AK8: variants seen among roughly 807,000 people sequenced by gnomAD.
AK8 encodes the protein ATP-AMP transphosphorylase 8.
Under a neutral mutation model 54.6 loss-of-function variants are expected in AK8, and 44 were observed. The observed-to-expected ratio is 0.81, with a 90% CI of 0.63 to 1.04. The LOEUF (loss-of-function observed/expected upper bound fraction) is 1.04. Ranked by LOEUF, AK8 falls within the 50% of genes least tolerant of loss-of-function variation. AK8 has a pLI of 0.00. For missense variants in AK8, 555 were observed against 613.6 expected (o/e 0.90, Z 1.01); for synonymous variants, 239 against 245.6 (o/e 0.97, Z 0.25).
At chr9:132,864,165 T>C (rs1289816335) in intron 3 of AK8, among the ~76,000 whole-genome samples, 2 of 152,204 alleles carry the variant, frequency 1.3e-5, no homozygotes, top group African/African-American at 2.4e-5. Flanking sequence ...TGTTCTTTTT[T>C]TTTTCTTAAA....
chr9:132,854,947 G>A (rs1843118484), intron 4 of AK8, 22 bp from the exon 5 acceptor site: 1 of 1,613,760 alleles, frequency 6.2e-7, no homozygotes, highest in African/African-American at 1.3e-5. Context: ...AGGACACACA[G>A]AATGATGGCC....
chr9:132,774,448 C>T (rs952475116), intron 11 of AK8, among the ~76,000 whole-genome samples: 1 of 152,184 alleles, frequency 6.6e-6, no homozygotes, highest in African/African-American at 2.4e-5. Context: ...AGCTTTTAGA[C>T]ATCTGCCACC....
In AK8 at chr9:132,790,775, T is replaced by G. The variant is rs1326168215; in HGVS notation, c.1121+1859A>C. Among the ~76,000 whole-genome samples the G allele has an allele frequency of 2.6e-5, 4 of 152,218 alleles. No individual in the cohort carries two copies. In the East Asian group the frequency reaches 5.8e-4, roughly 22 times the overall value. Reference sequence around the variant, plus strand: ...TGTAGATGACATGGTCATCTACCTGTAAAACCCAAGAGAATCAACTGAAAA... The same window carrying G: ...TGTAGATGACATGGTCATCTACCTGGAAAACCCAAGAGAATCAACTGAAAA... On this transcript the variant is annotated intron_variant, in intron 11 of 12. Transcript: ENST00000298545. This position sits in a 1 kb window ranked among gnomAD's most constrained non-coding sequence, Gnocchi z 4.1.
chr9:132,858,619 G>A (rs908880585), intron 4 of AK8, among the ~76,000 whole-genome samples: 1 of 152,220 alleles, frequency 6.6e-6, no homozygotes, highest in African/African-American at 2.4e-5. Context: ...GGTAGACGAG[G>A]GAAACCCAGT....
chr9:132,779,515 G>T (rs557491306), intron 11 of AK8, among the ~76,000 whole-genome samples: 24 of 152,294 alleles, frequency 1.6e-4, no homozygotes, highest in African/African-American at 5.8e-4. Context: ...GTGAGAACAG[G>T]CGAGAAGACA....
intron 5 of AK8, among the ~76,000 whole-genome samples, chr9:132,832,256 C>T (rs548547837): frequency 6.6e-6 from 1 of 151,624 alleles, no homozygotes; most frequent in Non-Finnish European, 1.5e-5. Flanking sequence ...CTCACAGCCA[C>T]GGAACCCCTG....
At chr9:132,767,275 C>A (rs1422045682) in intron 11 of AK8, among the ~76,000 whole-genome samples, 1 of 151,864 alleles carries the variant, frequency 6.6e-6, no homozygotes, top group Non-Finnish European at 1.5e-5. Flanking sequence ...AATAGCAAAG[C>A]CAATTAAAAA....
chr9:132,727,439 G>C lies in AK8; in HGVS notation c.1202+15C>G, dbSNP rs773893315. 4.3e-6 allele frequency: 7 copies of C among 1,613,636 alleles called. No homozygotes were observed. Among genetic ancestry groups the C allele is most frequent in the African/African-American group, 1.3e-5 (1 of 74,894 alleles). ...CAGTCCCCAGACTGCCAACCACCAG[G>C]AACACAGCACAAACCTTTCCCCAGT... On this transcript the variant is annotated intron_variant, in intron 12 of 12. Coordinates refer to ENST00000298545, the MANE Select transcript of AK8 (RefSeq NM_152572.3).
intron 5 of AK8, among the ~76,000 whole-genome samples, chr9:132,828,980 G>T (rs1841998742): frequency 6.7e-6 from 1 of 149,124 alleles, no homozygotes; most frequent in Non-Finnish European, 1.5e-5. Flanking sequence ...TTTTGAGATG[G>T]AGTTTCACTC....
At chr9:132,762,033 C>T (rs1363076227) in intron 11 of AK8, among the ~76,000 whole-genome samples, 11 of 152,116 alleles carry the variant, frequency 7.2e-5, no homozygotes, top group African/African-American at 2.7e-4. Context: ...CCATACCTGG[C>T]TAATTTTTGT....
intron 11 of AK8, among the ~76,000 whole-genome samples, chr9:132,782,287 G>A (rs1588124910): frequency 6.6e-6 from 1 of 152,016 alleles, no homozygotes; most frequent in East Asian, 1.9e-4. Context: ...ACCAGCACAG[G>A]ATTCTCTCCC....
At chr9:132,845,746 A>C (rs1307700548) in intron 5 of AK8, among the ~76,000 whole-genome samples, 2 of 146,780 alleles carry the variant, frequency 1.4e-5, no homozygotes, top group South Asian at 4.3e-4. Flanking sequence ...GCGCCACTGC[A>C]CTCCAGCCTG....
chr9:132,760,310 T>C (rs1176663637), intron 11 of AK8, among the ~76,000 whole-genome samples: 1 of 152,102 alleles, frequency 6.6e-6, no homozygotes, highest in East Asian at 1.9e-4. Context: ...AGTCTCCCAG[T>C]AGCTGAGATT....
intron 2 of AK8, among the ~76,000 whole-genome samples, chr9:132,870,083 C>G (rs1329360420): frequency 1.3e-5 from 2 of 152,140 alleles, no homozygotes; most frequent in Non-Finnish European, 2.9e-5. Context: ...CTTTGGGGAG[C>G]GAACCTGACT....
intron 1 of AK8, among the ~76,000 whole-genome samples, chr9:132,877,396 T>C (rs1844169820): frequency 6.6e-6 from 1 of 152,088 alleles, no homozygotes; most frequent in South Asian, 2.1e-4. Context: ...GCCATGCCCC[T>C]GGGGATGGGG....
rs140724013 is a variant in AK8 at position 132,810,750 on chromosome 9, G to A, written c.979+3888C>T. On this transcript the variant is annotated intron_variant, in intron 10 of 12. Coordinates refer to ENST00000298545, the MANE Select transcript of AK8 (RefSeq NM_152572.3). ...AACATCCTCATATGACCTTCTTGGC[G>A]ACCGTGACATCCCACGATGCCTGAG... 2.8e-3 allele frequency among the ~76,000 whole-genome samples: 425 copies of A among 152,212 alleles called. 1 individual carries two copies. The highest frequency in any genetic ancestry group is 4.3e-3 in the Non-Finnish European group (290 of 68,024).
At chr9:132,753,525 T>G (rs1392754015) in intron 11 of AK8, among the ~76,000 whole-genome samples, 1 of 152,192 alleles carries the variant, frequency 6.6e-6, no homozygotes, top group Non-Finnish European at 1.5e-5. Flanking sequence ...AGCTCATGAG[T>G]GTGGGGGCTG....
intron 4 of AK8, among the ~76,000 whole-genome samples, chr9:132,858,007 TCTGG>T (rs1006116417): frequency 3.3e-5 from 5 of 152,114 alleles, no homozygotes; most frequent in African/African-American, 1.2e-4. Flanking sequence ...GCCCCCAAAG[TCTGG>T]CATTTGGGGA....
At chr9:132,809,886 G>T (rs1211746902) in intron 10 of AK8, among the ~76,000 whole-genome samples, 4 of 152,240 alleles carry the variant, frequency 2.6e-5, no homozygotes, top group African/African-American at 7.2e-5. Flanking sequence ...AGCAGGCTGT[G>T]GTCGGCTAGG....
Sources: gnomAD v4.1 joint callset for allele counts (sites outside exome capture counted in the v4.1 genomes callset) on GRCh38, gnomAD v4.1.1 for gene constraint, Gnocchi (gnomAD v3.1) non-coding constraint, MANE v1.5 for transcripts, NCBI Gene and HGNC (gene_info 2026-07-23, HGNC 2026-07-21) for gene names.